The following SCN2A variants were observed in gnomAD, a reference collection of about 807,000 sequenced individuals.
SCN2A encodes the protein sodium voltage-gated channel alpha subunit 2.
In SCN2A, 20 loss-of-function variants were observed where a neutral mutation model predicts 188.7. The observed-to-expected ratio is 0.11, with a 90% CI of 0.07 to 0.15. The LOEUF (loss-of-function observed/expected upper bound fraction) is 0.15. SCN2A is among the 10% of genes least tolerant of loss of function. SCN2A has a pLI of 1.00. For synonymous variants in SCN2A, 804 were observed against 833.1 expected (o/e 0.97, Z 0.60); for missense variants, 1,278 against 2,445.0 (o/e 0.52, Z 10.07).
At position 165,390,528 on chromosome 2, in the gene SCN2A, T is replaced by G. The variant is rs1702084086; in HGVS notation, c.*704T>G. On this transcript the variant is annotated 3_prime_UTR_variant, in exon 27 of 27. Coordinates refer to ENST00000375437, the MANE Select transcript of SCN2A (RefSeq NM_001040142.2). ...TGTCTCATCCAGAAAAAATTTAATGTGCCTGTAAATGTTCCATAGAATCAC... is the reference window on the plus strand; with the variant it reads ...TGTCTCATCCAGAAAAAATTTAATGGGCCTGTAAATGTTCCATAGAATCAC... 4 of 152,750 alleles carry G rather than the reference T, an allele frequency of 2.6e-5. No individual in the cohort carries two copies. The allele number at this position is 152,750 out of a possible 1,614,324, so 9.5% of individuals were successfully genotyped here.
chr2:165,379,527 C>T (rs1236145198), intron 23 of SCN2A, among the ~76,000 whole-genome samples: 2 of 151,450 alleles, frequency 1.3e-5, no homozygotes, highest in Non-Finnish European at 3.0e-5. Flanking sequence ...GTAGCAATGT[C>T]CTGGGTTATG....
intron 7 of SCN2A, among the ~76,000 whole-genome samples, chr2:165,311,102 A>C (rs1236435105): frequency 6.6e-6 from 1 of 152,080 alleles, no homozygotes; most frequent in African/African-American, 2.4e-5. Context: ...TGATTTAGCC[A>C]TTCACTTATT....
chr2:165,273,982 A>C (rs1476870800), intron 1 of SCN2A: 2 of 152,174 alleles, frequency 1.3e-5, no homozygotes, highest in Admixed American at 1.3e-4. Context: ...GTGGGGTAGA[A>C]ATCACATGAA....
Position 165,389,398 on chromosome 2 carries a change from T to G in SCN2A, c.5592T>G (p.Arg1864=). ...CLDILFAFTK[R]VLGESGEMDA... is the part of the protein sequence containing the mutation. ...ACATCTTATTTGCTTTTACAAAGCG[T>G]GTTTTGGGTGAGAGTGGAGAGATGG... Residue 1864 remains arginine (R), a synonymous_variant, in exon 27 of 27, where the codon CGT becomes CGG. Transcript: ENST00000375437. The surrounding 1 kb of genome is among the most constrained non-coding windows in gnomAD (Gnocchi z 4.2). 1 of 1,613,976 alleles carries G rather than the reference T, an allele frequency of 6.2e-7. No individual in the cohort carries two copies.
intron 1 of SCN2A, among the ~76,000 whole-genome samples, chr2:165,248,460 C>T (rs1693950493): frequency 6.6e-6 from 1 of 152,104 alleles, no homozygotes; most frequent in Non-Finnish European, 1.5e-5. Flanking sequence ...TGACTAACCT[C>T]CTCACCTGTT....
chr2:165,309,720 G>T (rs181039568), intron 6 of SCN2A, among the ~76,000 whole-genome samples: 3 of 152,094 alleles, frequency 2.0e-5, no homozygotes, highest in East Asian at 1.9e-4. Context: ...CAAGCTTTCC[G>T]CATAGAAGCT....
chr2:165,294,047 T>G lies in SCN2A; in HGVS notation c.-51-1726T>G, dbSNP rs982889022. 9.4e-6 allele frequency: 9 copies of G among 957,890 alleles called. No individual in the cohort carries two copies. In the African/African-American group the frequency reaches 1.6e-4, roughly 17 times the overall value. 59.3% of individuals were successfully genotyped at this position (957,890 alleles called of 1,614,324 possible). A position where few individuals can be genotyped will look rare whatever the true frequency, so the allele number is the denominator to read the frequency against. On this transcript the variant is annotated intron_variant, in intron 1 of 26. Transcript: ENST00000375437. ...AAAAAAAAAAAAAAAAAGATTTTTT[T>G]TTTTTTAAAGCATGATGGAATTTTA...
intron 1 of SCN2A, among the ~76,000 whole-genome samples, chr2:165,256,837 T>C (rs932213120): frequency 8.5e-5 from 13 of 152,224 alleles, no homozygotes; most frequent in Admixed American, 6.5e-4. Context: ...CAGAAGATAC[T>C]CTATGCTGTA....
At chr2:165,302,166 A>C (rs1242261411) in intron 3 of SCN2A, among the ~76,000 whole-genome samples, 1 of 152,234 alleles carries the variant, frequency 6.6e-6, no homozygotes, top group East Asian at 1.9e-4. Flanking sequence ...GGTTTATATG[A>C]AAGCAGATGA....
At chr2:165,264,104 C>A (rs923346479) in intron 1 of SCN2A, among the ~76,000 whole-genome samples, 2 of 152,042 alleles carry the variant, frequency 1.3e-5, no homozygotes, top group Non-Finnish European at 2.9e-5. Flanking sequence ...ACAGTTTGAC[C>A]TCCTCTTTAC....
Position 165,370,191 on chromosome 2 carries a change from G to C in SCN2A, c.3741G>C (p.Lys1247Asn). The stretch of plus-strand genomic sequence containing the variant: ...AGACCATGTTAGAATATGCTGACAA[G>C]GTTTTCACTTACATATTCATTCTGG... The part of the protein sequence containing the change: ...TIKTMLEYAD[K>N]VFTYIFILEM... Residue 1247 changes from lysine (K) to asparagine (N), a missense_variant, in exon 20 of 27, where the codon AAG (lysine) becomes AAC (asparagine). By Grantham distance (94) the Lys-to-Asn change is moderately conservative. Around this residue, in one of 17 missense-constraint regions of SCN2A, gnomAD observed 228 missense variants for 297.3 expected, o/e 0.77. Transcript: ENST00000375437. 6.2e-7 allele frequency: 1 copy of C among 1,614,114 alleles called. No homozygotes were observed.
In SCN2A at chr2:165,354,553, C is replaced by T; in HGVS notation, c.3281C>T (p.Ser1094Leu). 2.5e-6 allele frequency: 4 copies of T among 1,614,064 alleles called. No homozygotes were observed. Among genetic ancestry groups the T allele is most frequent in the Non-Finnish European group, 3.4e-6 (4 of 1,179,988 alleles). The change falls in exon 17 of 27, where the codon TCA (serine) becomes TTA (leucine). Residue 1094 changes from serine (S) to leucine (L), a missense_variant. Transcript: ENST00000375437. ...GTCGTGGATGAAAGTGATTACATGT[C>T]ATTTATAAACAACCCTAGCCTCACT... The part of the protein sequence containing the change: ...KYVVDESDYM[S>L]FINNPSLTVT...
chr2:165,306,926 ATCTT>A (rs1319973981), intron 3 of SCN2A, among the ~76,000 whole-genome samples: 3 of 152,172 alleles, frequency 2.0e-5, no homozygotes, highest in African/African-American at 2.4e-5. Context: ...TGGCAACTAA[ATCTT>A]TATTATGCTT....
intron 1 of SCN2A, among the ~76,000 whole-genome samples, chr2:165,263,005 AT>A (rs1694674747): frequency 6.6e-6 from 1 of 152,028 alleles, no homozygotes; most frequent in Non-Finnish European, 1.5e-5. Flanking sequence ...GATGTTGAGC[AT>A]TTTTTCATAT....
At chr2:165,284,883 C>G (rs190215299) in intron 1 of SCN2A, among the ~76,000 whole-genome samples, 198 of 152,256 alleles carry the variant, frequency 1.3e-3, no homozygotes, top group Non-Finnish European at 2.5e-3. Context: ...TGAATGAGTT[C>G]TTGGAAGTCT....
chr2:165,370,063 A>G, intron 19 of SCN2A, 63 bp from the exon 20 acceptor site: 1 of 1,458,444 alleles, frequency 6.9e-7, no homozygotes, highest in Admixed American at 1.8e-5. Flanking sequence ...TTCCTTTTTT[A>G]AGAAATCATC....
intron 11 of SCN2A, among the ~76,000 whole-genome samples, chr2:165,321,466 TA>T (rs1184674282): frequency 1.3e-5 from 2 of 152,202 alleles, no homozygotes; most frequent in African/African-American, 4.8e-5. Flanking sequence ...TTTACTGTAT[TA>T]ATCTGTTTTC....
rs1337133110 is a variant in SCN2A, at chr2:165,390,491, G to A, written c.*667G>A. ...TTTTGAGGTGCTTAAATAGCTATTC[G>A]TATTTTTAAGGTGTCTCATCCAGAA... On this transcript the variant is annotated 3_prime_UTR_variant, in exon 27 of 27. Coordinates refer to ENST00000375437, the MANE Select transcript of SCN2A (RefSeq NM_001040142.2). 1.3e-5 allele frequency: 2 copies of A among 152,460 alleles called. No individual in the cohort carries two copies. Among genetic ancestry groups the A allele is most frequent in the Non-Finnish European group, 2.9e-5 (2 of 68,050 alleles). 9.4% of individuals were successfully genotyped at this position (152,460 alleles called of 1,614,324 possible).
Position 165,377,660 on chromosome 2 carries a change from GT to G in SCN2A, c.4308+12del. The G allele has an allele frequency of 6.3e-7, 1 of 1,598,928 alleles. No homozygotes were observed. The highest frequency in any genetic ancestry group is 8.6e-7 in the Non-Finnish European group (1 of 1,169,384). On this transcript the variant is annotated intron_variant, in intron 23 of 26. Transcript: ENST00000375437. ...TGTTGATTCACGAAATGTAAGTCTA[GT>G]TAGAGGGAAATTGTTTAGTTTGATT...
Sources: allele counts gnomAD v4.1 joint callset (sites outside exome capture counted in the v4.1 genomes callset), GRCh38; gene constraint gnomAD v4.1.1; regional missense constraint gnomAD v4.1.1; non-coding constraint Gnocchi (gnomAD v3.1); transcripts MANE v1.5; gene names NCBI Gene and HGNC (gene_info 2026-07-23, HGNC 2026-07-21).